The following FSTL5 variants were observed in gnomAD, a reference collection of about 807,000 sequenced individuals.
FSTL5 encodes the protein follistatin like 5.
A neutral mutation model predicts 89.1 loss-of-function variants in FSTL5; 62 were observed. That is an observed-to-expected ratio of 0.70 (90% CI 0.57 to 0.86). The LOEUF is 0.86. Ranked by LOEUF, FSTL5 falls within the 40% of genes least tolerant of loss-of-function variation. The pLI is 0.00. For synonymous variants in FSTL5, 383 were observed against 346.2 expected (o/e 1.11, Z -1.18); for missense variants, 1,057 against 1,001.6 (o/e 1.06, Z -0.75).
At chr4:161,851,032 A>C (rs945460367) in intron 4 of FSTL5, among the ~76,000 whole-genome samples, 18 of 152,208 alleles carry the variant, frequency 1.2e-4, no homozygotes, top group Non-Finnish European at 2.2e-4. Context: ...CTGTAAGCAA[A>C]TAAGGTCAGA....
intron 2 of FSTL5, among the ~76,000 whole-genome samples, chr4:162,076,003 G>A (rs1681054539): frequency 6.6e-6 from 1 of 151,828 alleles, no homozygotes; most frequent in Non-Finnish European, 1.5e-5. Flanking sequence ...TTCCCAATAA[G>A]ACATCTGAAT....
At chr4:161,676,557 A>T (rs151332319) in intron 6 of FSTL5, among the ~76,000 whole-genome samples, 3,303 of 152,126 alleles carry the variant, frequency 0.022, 109 homozygotes, top group African/African-American at 0.074. Flanking sequence ...AATGTGGATG[A>T]TAGGTTGATG....
chr4:161,671,939 C>T (rs539550942), intron 6 of FSTL5, among the ~76,000 whole-genome samples: 1 of 152,190 alleles, frequency 6.6e-6, no homozygotes, highest in Non-Finnish European at 1.5e-5. Context: ...ACATTCTCAG[C>T]CAGAAGGAAA....
At chr4:161,972,129 G>C (rs186410187) in intron 3 of FSTL5, among the ~76,000 whole-genome samples, 1 of 152,084 alleles carries the variant, frequency 6.6e-6, no homozygotes, top group East Asian at 1.9e-4. Context: ...TTTCGCTCTT[G>C]TCTCCCAGGC....
chr4:161,620,105 C>T (rs1445819296), intron 7 of FSTL5, among the ~76,000 whole-genome samples: 2 of 146,948 alleles, frequency 1.4e-5, no homozygotes, highest in East Asian at 2.0e-4. Flanking sequence ...AAAGAACCAC[C>T]GCATATTCTC....
At chr4:162,087,971 G>A (rs1025497831) in intron 2 of FSTL5, among the ~76,000 whole-genome samples, 1 of 152,186 alleles carries the variant, frequency 6.6e-6, no homozygotes, top group South Asian at 2.1e-4. Flanking sequence ...TCACTGTAAT[G>A]ATCAGTTTCT....
chr4:161,409,230 T>C (rs1189881108), intron 15 of FSTL5, among the ~76,000 whole-genome samples: 2 of 152,160 alleles, frequency 1.3e-5, no homozygotes, highest in Non-Finnish European at 2.9e-5. Flanking sequence ...AGAATCCTTA[T>C]AAGCTAGAAG....
At chr4:161,907,266 A>G (rs1013404087) in intron 4 of FSTL5, among the ~76,000 whole-genome samples, 1 of 152,162 alleles carries the variant, frequency 6.6e-6, no homozygotes, top group Non-Finnish European at 1.5e-5. Flanking sequence ...ATGTTTCACT[A>G]AAAGTGCAAT....
chr4:161,478,221 C>G (rs1457861946), intron 13 of FSTL5, among the ~76,000 whole-genome samples: 1 of 151,980 alleles, frequency 6.6e-6, no homozygotes, highest in Non-Finnish European at 1.5e-5. Context: ...TGTATAAATA[C>G]AATTCTGATA....
At chr4:161,502,461 T>C (rs1287698736) in intron 11 of FSTL5, among the ~76,000 whole-genome samples, 1 of 151,924 alleles carries the variant, frequency 6.6e-6, no homozygotes, top group Non-Finnish European at 1.5e-5. Flanking sequence ...TTTAGTTTTT[T>C]ATTTGACTGT....
At chr4:162,077,644 T>A (rs1229638486) in intron 2 of FSTL5, among the ~76,000 whole-genome samples, 1 of 151,696 alleles carries the variant, frequency 6.6e-6, no homozygotes, top group Non-Finnish European at 1.5e-5. Flanking sequence ...GAAGAACATA[T>A]GTGGTGATAA....
At chr4:162,020,623 C>A (rs550761139) in intron 3 of FSTL5, among the ~76,000 whole-genome samples, 4 of 151,924 alleles carry the variant, frequency 2.6e-5, no homozygotes, top group African/African-American at 7.2e-5. Context: ...ACCTGGCTAG[C>A]GAATGTCAAA....
At chr4:161,750,760 A>G (rs767186798) in intron 6 of FSTL5, among the ~76,000 whole-genome samples, 3 of 152,170 alleles carry the variant, frequency 2.0e-5, no homozygotes, top group South Asian at 4.1e-4. Flanking sequence ...GGTCTGAAAA[A>G]CATAATCCTT....
chr4:161,615,293 CAAAAAAAAA>C (rs1203046031), intron 7 of FSTL5, among the ~76,000 whole-genome samples: 1 of 26,456 alleles, frequency 3.8e-5, no homozygotes, highest in African/African-American at 1.4e-4. Context: ...GACTCTGTCT[CAAAAAAAAA>C]AAAAAAAAAA....
chr4:162,041,099 A>G (rs1308072597), intron 2 of FSTL5, among the ~76,000 whole-genome samples: 3 of 151,516 alleles, frequency 2.0e-5, no homozygotes, highest in African/African-American at 7.3e-5. Context: ...TCAAATCTAG[A>G]TAGTACAGTC....
chr4:162,073,017 C>A (rs1376432216), intron 2 of FSTL5, among the ~76,000 whole-genome samples: 2 of 151,744 alleles, frequency 1.3e-5, no homozygotes, highest in South Asian at 2.1e-4. Flanking sequence ...AGCAAGCCAG[C>A]CTTCAGAATA....
At chr4:161,954,740 G>C (rs950199001) in intron 3 of FSTL5, among the ~76,000 whole-genome samples, 1 of 151,426 alleles carries the variant, frequency 6.6e-6, no homozygotes, top group Non-Finnish European at 1.5e-5. Flanking sequence ...CACATTGCAT[G>C]CATCTGTCAG....
intron 4 of FSTL5, among the ~76,000 whole-genome samples, chr4:161,784,375 AT>A (rs1289356781): frequency 6.6e-6 from 1 of 152,088 alleles, no homozygotes; most frequent in Non-Finnish European, 1.5e-5. Context: ...TGAAATATAT[AT>A]TTTTATTTTT....
intron 6 of FSTL5, among the ~76,000 whole-genome samples, chr4:161,738,469 C>A (rs1739895550): frequency 6.6e-6 from 1 of 151,850 alleles, no homozygotes; most frequent in African/African-American, 2.4e-5. Flanking sequence ...AATCACTCTT[C>A]CAGATAAAAC....
Sources: allele counts gnomAD v4.1 joint callset (sites outside exome capture counted in the v4.1 genomes callset), GRCh38; gene constraint gnomAD v4.1.1; transcripts MANE v1.5; gene names NCBI Gene and HGNC (gene_info 2026-07-23, HGNC 2026-07-21).